Variants in ASIC2 observed in about 807,000 individuals in gnomAD.
ASIC2 encodes acid-sensing ion channel 2.
Under a neutral mutation model 57.3 loss-of-function variants are expected in ASIC2, and 25 were observed. The ratio of observed to expected loss-of-function variants is 0.44; its 90% CI spans 0.32 to 0.61. ASIC2 has a LOEUF of 0.61. Among genes scored for constraint, ASIC2 ranks in the 20% least tolerant of loss-of-function variants. The probability of loss-of-function intolerance (pLI) is 0.06; values close to 1 mark genes in which losing one functional copy is unlikely to be tolerated. For synonymous variants in ASIC2, 319 were observed against 307.5 expected (o/e 1.04, Z -0.39); for missense variants, 641 against 738.1 (o/e 0.87, Z 1.52).
intron 1 of ASIC2, among the ~76,000 whole-genome samples, chr17:33,730,139 C>G (rs145472184): frequency 0.011 from 1,619 of 152,122 alleles, 12 homozygotes; most frequent in Middle Eastern, 0.017. Flanking sequence ...TTAATTAGCC[C>G]CTGTATAGTT....
chr17:34,062,117 A>T (rs1014915160), intron 1 of ASIC2, among the ~76,000 whole-genome samples: 1 of 152,202 alleles, frequency 6.6e-6, no homozygotes, highest in African/African-American at 2.4e-5. Context: ...AGACCATATA[A>T]TAGGACATAA....
At chr17:34,010,586 T>C (rs1219998372) in intron 1 of ASIC2, among the ~76,000 whole-genome samples, 1 of 152,132 alleles carries the variant, frequency 6.6e-6, no homozygotes, top group Non-Finnish European at 1.5e-5. Context: ...ACATGCCCTA[T>C]GATGTGATTC....
intron 2 of ASIC2, 76 bp from the exon 3 acceptor site, chr17:33,089,066 A>C: frequency 4.4e-6 from 7 of 1,578,776 alleles, no homozygotes; most frequent in Non-Finnish European, 6.0e-6. Flanking sequence ...TGAAAAGCTC[A>C]AAGGGATGCT....
intron 1 of ASIC2, among the ~76,000 whole-genome samples, chr17:33,266,065 T>C (rs1166610108): frequency 1.3e-5 from 2 of 152,186 alleles, no homozygotes; most frequent in Non-Finnish European, 2.9e-5. Flanking sequence ...CTGTCCTCAC[T>C]GCCAGAGTGT....
rs1555535324 is a variant in ASIC2, at chr17:33,452,738, G to GGGGTGTGTGTGTGTGT, written c.556-340672_556-340671insACACACACACACACCC. Among the ~76,000 whole-genome samples the GGGGTGTGTGTGTGTGT allele has an allele frequency of 1.7e-4, 24 of 140,508 alleles. 1 individual carries two copies. The South Asian group carries it at 5.6e-3, about 33-fold the overall frequency. The allele number at this position is 140,508 out of a possible 152,430, so 92.2% of individuals were successfully genotyped here. A position where few individuals can be genotyped will look rare whatever the true frequency, so the allele number is the denominator to read the frequency against. On this transcript the variant is annotated intron_variant, in intron 1 of 9. Coordinates refer to the ASIC2 transcript ENST00000359872. ...GTTTTCTTTGTTTGGAACAGAGTGG[G>GGGGTGTGTGTGTGTGT]GTGTGTGTGTGTGTGTGTGTGTGTG...
chr17:33,319,616 C>T (rs974121249), intron 1 of ASIC2, among the ~76,000 whole-genome samples: 2 of 152,076 alleles, frequency 1.3e-5, no homozygotes, highest in Non-Finnish European at 1.5e-5. Context: ...GGGTATTCAC[C>T]ACCTCAAGCA....
intron 1 of ASIC2, among the ~76,000 whole-genome samples, chr17:33,679,474 C>T (rs1254461073): frequency 6.6e-6 from 1 of 152,136 alleles, no homozygotes; most frequent in Non-Finnish European, 1.5e-5. Flanking sequence ...TTCTTGGGGG[C>T]CTACCTTGTA....
At chr17:33,877,332 C>T (rs758882603) in intron 1 of ASIC2, among the ~76,000 whole-genome samples, 5 of 152,292 alleles carry the variant, frequency 3.3e-5, no homozygotes, top group East Asian at 1.9e-4. Context: ...TCGCCTCGCC[C>T]GGGAAGCTCA....
At chr17:34,101,533 T>C (rs1359961539) in intron 1 of ASIC2, among the ~76,000 whole-genome samples, 1 of 152,156 alleles carries the variant, frequency 6.6e-6, no homozygotes, top group African/African-American at 2.4e-5. Flanking sequence ...AGCCTAAGAA[T>C]GTACAGAGGA....
chr17:33,211,383 G>A (rs1408057666), intron 1 of ASIC2, among the ~76,000 whole-genome samples: 1 of 152,096 alleles, frequency 6.6e-6, no homozygotes, highest in Non-Finnish European at 1.5e-5. Flanking sequence ...GGGCACTCAG[G>A]ACTCCTCCCC....
intron 1 of ASIC2, among the ~76,000 whole-genome samples, chr17:33,189,133 C>T (rs1050511092): frequency 6.6e-6 from 1 of 152,106 alleles, no homozygotes; most frequent in African/African-American, 2.4e-5. Context: ...CTGGGGATAT[C>T]TGTCACAATG....
At position 33,387,951 on chromosome 17, in the gene ASIC2, G is replaced by A. The variant is rs375298100; in HGVS notation, c.556-275884C>T. 3.0e-4 allele frequency among the ~76,000 whole-genome samples: 46 copies of A among 152,054 alleles called. No individual in the cohort carries two copies. The East Asian group carries it at 6.6e-3, about 22-fold the overall frequency. On this transcript the variant is annotated intron_variant, in intron 1 of 9. Coordinates refer to the ASIC2 transcript ENST00000359872. ...AAAAATTAGCTGGGAGTAGTGGTGCGCACCTGTAATCCCAGCTACTCAGGA... is the reference window on the plus strand; with the variant it reads ...AAAAATTAGCTGGGAGTAGTGGTGCACACCTGTAATCCCAGCTACTCAGGA...
intron 1 of ASIC2, among the ~76,000 whole-genome samples, chr17:33,161,857 G>GTTTTT (rs199823485): frequency 1.5e-4 from 14 of 94,224 alleles, no homozygotes; most frequent in Non-Finnish European, 2.1e-4. Context: ...GAATTCCTAG[G>GTTTTT]TTTTTTTTTT....
At chr17:34,073,434 A>G (rs1334827604) in intron 1 of ASIC2, among the ~76,000 whole-genome samples, 1 of 152,176 alleles carries the variant, frequency 6.6e-6, no homozygotes, top group Non-Finnish European at 1.5e-5. Context: ...TCAGAGGGAG[A>G]AGGACTGTAG....
chr17:33,020,628 A>G (rs1162164903), intron 7 of ASIC2, among the ~76,000 whole-genome samples: 1 of 152,064 alleles, frequency 6.6e-6, no homozygotes. Context: ...GGAGCCGGGG[A>G]GCTCATGCGA....
intron 1 of ASIC2, among the ~76,000 whole-genome samples, chr17:33,525,701 G>A (rs1197303522): frequency 6.6e-6 from 1 of 152,220 alleles, no homozygotes; most frequent in Admixed American, 6.5e-5. Flanking sequence ...TCAAGTGTCT[G>A]TAACAAATCC....
At chr17:33,743,953 C>A (rs916554242) in intron 1 of ASIC2, among the ~76,000 whole-genome samples, 3 of 152,196 alleles carry the variant, frequency 2.0e-5, no homozygotes, top group Admixed American at 2.0e-4. Context: ...TTTCGTAGGA[C>A]ATGCTGGAAG....
chr17:33,112,985 G>A lies in ASIC2; in HGVS notation c.709-918C>T, dbSNP rs185399599. 4.3e-3 allele frequency among the ~76,000 whole-genome samples: 648 copies of A among 152,270 alleles called. 6 individuals are homozygous for A. The highest frequency in any genetic ancestry group is 0.015 in the African/African-American group (618 of 41,556). On this transcript the variant is annotated intron_variant, in intron 1 of 9. Transcript: ENST00000225823. ...CCTTTCACTGTGCTGCTTCCCGCCT[G>A]AGTCCAGCAGCATCCACTGGAAGGT...
chr17:33,554,397 C>T lies in ASIC2; in HGVS notation c.556-442330G>A, dbSNP rs144617233. Reference sequence around the variant, plus strand: ...GTGTGTGTGTGTTTGCACGTGTGCACGTGTGGTGGATGGGGATCAATTGAA... The same window carrying T: ...GTGTGTGTGTGTTTGCACGTGTGCATGTGTGGTGGATGGGGATCAATTGAA... On this transcript the variant is annotated intron_variant, in intron 1 of 9. Coordinates refer to the ASIC2 transcript ENST00000359872. 2.3e-3 allele frequency among the ~76,000 whole-genome samples: 354 copies of T among 151,686 alleles called. 1 individual carries two copies. Among genetic ancestry groups the T allele is most frequent in the South Asian group, 0.013 (62 of 4,802 alleles).
Sources: gnomAD v4.1 joint callset for allele counts (sites outside exome capture counted in the v4.1 genomes callset) on GRCh38, gnomAD v4.1.1 for gene constraint, MANE v1.5 for transcripts, NCBI Gene and HGNC (gene_info 2026-07-23, HGNC 2026-07-21) for gene names.